SCOC: variants seen among roughly 807,000 people sequenced by gnomAD.
The protein encoded by SCOC is short coiled-coil protein, also known as short coiled coil protein.
In SCOC, 7 loss-of-function variants were observed where a neutral mutation model predicts 9.9. That is an observed-to-expected ratio of 0.71 (90% CI 0.40 to 1.33). The LOEUF (loss-of-function observed/expected upper bound fraction) is 1.33. Ranked by LOEUF, SCOC falls within the 40% of genes most tolerant of loss-of-function variation. The pLI, the probability that SCOC is intolerant of heterozygous loss-of-function variation, is 0.01. For missense variants in SCOC, 66 were observed against 89.7 expected, an observed-to-expected ratio of 0.74 and a Z score of 1.07; for synonymous variants, 19 against 28.2, an observed-to-expected ratio of 0.67 and a Z score of 1.03.
At chr4:140,295,046 G>C (rs548676801) in intron 1 of SCOC, among the ~76,000 whole-genome samples, 1 of 152,338 alleles carries the variant, frequency 6.6e-6, no homozygotes, top group African/African-American at 2.4e-5. Flanking sequence ...ATAAAGCACA[G>C]TTAGGAAGCA....
intron 2 of SCOC, among the ~76,000 whole-genome samples, chr4:140,367,594 G>T (rs1454673573): frequency 6.6e-6 from 1 of 151,964 alleles, no homozygotes; most frequent in African/African-American, 2.4e-5. Flanking sequence ...TGGCCAGAAT[G>T]GTCTTGATCT....
intron 2 of SCOC, 120 bp downstream of exon 2, chr4:140,379,312 T>A (rs1194933018): frequency 2.6e-6 from 2 of 777,136 alleles, no homozygotes; most frequent in Non-Finnish European, 4.5e-6. Context: ...TAATTACTTA[T>A]TTATATCTCA....
chr4:140,372,087 T>G (rs1728080476), upstream of SCOC, among the ~76,000 whole-genome samples: 2 of 152,188 alleles, frequency 1.3e-5, no homozygotes, highest in Non-Finnish European at 2.9e-5. Context: ...CAAAGTAAGA[T>G]GATTACTGCC....
chr4:140,272,062 T>C (rs916378458), intron 1 of SCOC, among the ~76,000 whole-genome samples: 14 of 151,034 alleles, frequency 9.3e-5, no homozygotes, highest in African/African-American at 3.4e-4. Context: ...CATCACTTTT[T>C]TTTTTTTTTT....
chr4:140,284,025 A>G (rs1294918809), intron 1 of SCOC: 2 of 152,200 alleles, frequency 1.3e-5, no homozygotes, highest in African/African-American at 2.4e-5. Flanking sequence ...TCTGCAGGAA[A>G]TAGGTACCCT....
At chr4:140,274,197 AT>A (rs1450350176) in intron 1 of SCOC, among the ~76,000 whole-genome samples, 2 of 152,246 alleles carry the variant, frequency 1.3e-5, no homozygotes. Flanking sequence ...TGCATGAGTA[AT>A]TACAAGCAGG....
At chr4:140,359,923 G>A (rs1040316525) in intron 2 of SCOC, among the ~76,000 whole-genome samples, 1 of 152,156 alleles carries the variant, frequency 6.6e-6, no homozygotes. Flanking sequence ...TTCTTTAGTC[G>A]CTTGGGTTCT....
Position 140,357,974 on chromosome 4 carries a change from C to T in SCOC, c.70+14266C>T, listed in dbSNP as rs369412031. Among the ~76,000 whole-genome samples, 4 of 152,150 alleles carry T rather than the reference C, an allele frequency of 2.6e-5. No homozygotes were observed. In the East Asian group the frequency reaches 7.8e-4, roughly 30 times the overall value. On this transcript the variant is annotated intron_variant, in intron 2 of 4. Coordinates refer to the SCOC transcript ENST00000338517. Reference sequence around the variant, plus strand: ...CTTGAGTGCTTTCTGTGGTGTATGTCTCCTTTCCATTGCTGTGTTCTGTCT... The same window carrying T: ...CTTGAGTGCTTTCTGTGGTGTATGTTTCCTTTCCATTGCTGTGTTCTGTCT...
At chr4:140,285,653 G>A (rs1731244673) in intron 1 of SCOC, among the ~76,000 whole-genome samples, 1 of 152,234 alleles carries the variant, frequency 6.6e-6, no homozygotes, top group Admixed American at 6.5e-5. Context: ...AGATACTTAA[G>A]TGAGAATGCA....
At chr4:140,310,776 C>T (rs1732130599) in intron 1 of SCOC, among the ~76,000 whole-genome samples, 1 of 152,134 alleles carries the variant, frequency 6.6e-6, no homozygotes, top group African/African-American at 2.4e-5. Context: ...CTTCGGATCT[C>T]CCCCCGAGGG....
chr4:140,317,223 G>C (rs1389193146), intron 1 of SCOC, among the ~76,000 whole-genome samples: 1 of 152,080 alleles, frequency 6.6e-6, no homozygotes, highest in African/African-American at 2.4e-5. Flanking sequence ...TGTTAGGGAG[G>C]AGACCACCCC....
intron 2 of SCOC, among the ~76,000 whole-genome samples, chr4:140,359,696 A>G (rs1294241405): frequency 6.6e-6 from 1 of 152,240 alleles, no homozygotes; most frequent in Non-Finnish European, 1.5e-5. Flanking sequence ...CAGAAGTCTC[A>G]TTCAATATGA....
chr4:140,325,923 C>G (rs1182102780), intron 1 of SCOC, among the ~76,000 whole-genome samples: 1 of 152,058 alleles, frequency 6.6e-6, no homozygotes, highest in Non-Finnish European at 1.5e-5. Context: ...AAACGAGAAA[C>G]AGCTGCAATG....
chr4:140,286,763 C>T (rs371496502), intron 1 of SCOC, among the ~76,000 whole-genome samples: 4 of 152,304 alleles, frequency 2.6e-5, no homozygotes, highest in African/African-American at 9.6e-5. Context: ...GCGCTGGAGC[C>T]GCTGTCAAGG....
chr4:140,276,796 G>A (rs1222441587), intron 1 of SCOC, among the ~76,000 whole-genome samples: 1 of 152,100 alleles, frequency 6.6e-6, no homozygotes, highest in Non-Finnish European at 1.5e-5. Flanking sequence ...CCATGTCTGG[G>A]AGTCCCCTTA....
intron 1 of SCOC, among the ~76,000 whole-genome samples, chr4:140,311,231 T>C (rs570922845): frequency 4.8e-4 from 73 of 152,160 alleles, no homozygotes; most frequent in Non-Finnish European, 9.6e-4. Context: ...CCCCTATCTC[T>C]TAAAAATAAT....
At chr4:140,319,259 T>C (rs1324483346) in intron 1 of SCOC, among the ~76,000 whole-genome samples, 3 of 152,104 alleles carry the variant, frequency 2.0e-5, no homozygotes, top group Non-Finnish European at 2.9e-5. Flanking sequence ...GCCTGGCTAA[T>C]TTTATATTTT....
At chr4:140,342,581 T>C (rs1417128145), upstream of SCOC, among the ~76,000 whole-genome samples, 3 of 151,528 alleles carry the variant, frequency 2.0e-5, no homozygotes, top group African/African-American at 7.3e-5. Flanking sequence ...ATAGTAACAA[T>C]GAACTTGCCT....
chr4:140,351,315 A>C, intron 2 of SCOC, among the ~76,000 whole-genome samples: 1 of 152,260 alleles, frequency 6.6e-6, no homozygotes, highest in African/African-American at 2.4e-5. Flanking sequence ...CTGATAAGGA[A>C]GGGGAGATGG....
Sources: allele counts gnomAD v4.1 joint callset (sites outside exome capture counted in the v4.1 genomes callset), GRCh38; gene constraint gnomAD v4.1.1; transcripts MANE v1.5; gene names NCBI Gene and HGNC (gene_info 2026-07-23, HGNC 2026-07-21).